The following SBF2 variants were observed in gnomAD, a reference collection of about 807,000 sequenced individuals.
The protein encoded by SBF2 is myotubularin-related protein 13.
In SBF2, 112 loss-of-function variants were observed where a neutral mutation model predicts 225.2. That is an observed-to-expected ratio of 0.50 (90% CI 0.43 to 0.58). SBF2 has a LOEUF of 0.58. Ranked by LOEUF, SBF2 falls within the 20% of genes least tolerant of loss-of-function variation. The pLI is 0.00. For missense variants in SBF2, 1,996 were observed against 2,206.2 expected, an observed-to-expected ratio of 0.90 and a Z score of 1.91; for synonymous variants, 763 against 773.3, an observed-to-expected ratio of 0.99 and a Z score of 0.22.
intron 2 of SBF2, among the ~76,000 whole-genome samples, chr11:10,135,120 C>A (rs148509106): frequency 3.3e-4 from 50 of 152,226 alleles, no homozygotes; most frequent in Non-Finnish European, 2.9e-5. Context: ...CTCAACACCG[C>A]GTTGAAGTTG....
intron 2 of SBF2, among the ~76,000 whole-genome samples, chr11:10,151,654 G>A (rs1387503478): frequency 6.6e-6 from 1 of 152,174 alleles, no homozygotes; most frequent in Non-Finnish European, 1.5e-5. Context: ...AGATTTAGAA[G>A]AAATGTGATG....
At position 10,279,105 on chromosome 11, in the gene SBF2, TTAAAAAAAAAAAA is replaced by T. The variant is rs1316635891; in HGVS notation, c.55+14897_55+14909del. The stretch of plus-strand genomic sequence containing the variant: ...CAACAGAACAAGACCCGGTCTTGTA[TTAAAAAAAAAAAA>T]AAAAAAAAAAAAGCCAGGCGTGGTG... On this transcript the variant is annotated intron_variant, in intron 1 of 39. Coordinates refer to ENST00000256190, the MANE Select transcript of SBF2 (RefSeq NM_030962.4). Among the ~76,000 whole-genome samples, 196 of 77,626 alleles carry T rather than the reference TTAAAAAAAAAAAA, an allele frequency of 2.5e-3. 1 individual carries two copies. Among genetic ancestry groups the T allele is most frequent in the African/African-American group, 8.6e-3 (188 of 21,796 alleles). The allele number at this position is 77,626 out of a possible 152,430, so 50.9% of individuals were successfully genotyped here. A position where few individuals can be genotyped will look rare whatever the true frequency, so the allele number is the denominator to read the frequency against.
chr11:10,294,880 C>A (rs1591383057), upstream of SBF2, among the ~76,000 whole-genome samples: 1 of 152,232 alleles, frequency 6.6e-6, no homozygotes, highest in Admixed American at 6.5e-5. Context: ...CCGCACGCCT[C>A]GGCTTGCTTC....
intron 32 of SBF2, among the ~76,000 whole-genome samples, chr11:9,800,129 T>C (rs1283218969): frequency 6.6e-6 from 1 of 151,974 alleles, no homozygotes; most frequent in East Asian, 1.9e-4. Context: ...TCTGAGCTAT[T>C]AGGGAGGCTG....
chr11:10,012,250 ATCC>A (rs1425090710), intron 6 of SBF2, among the ~76,000 whole-genome samples: 1 of 152,184 alleles, frequency 6.6e-6, no homozygotes, highest in East Asian at 1.9e-4. Flanking sequence ...GGCTCAAGCG[ATCC>A]TCCTACCTCA....
intron 16 of SBF2, among the ~76,000 whole-genome samples, chr11:9,956,354 T>C (rs576994510): frequency 3.9e-5 from 6 of 152,324 alleles, no homozygotes; most frequent in Admixed American, 2.6e-4. Flanking sequence ...TCATATCTTA[T>C]TAAAATTTCT....
intron 17 of SBF2, among the ~76,000 whole-genome samples, chr11:9,885,529 G>C (rs1263378249): frequency 6.6e-6 from 1 of 152,194 alleles, no homozygotes; most frequent in East Asian, 1.9e-4. Flanking sequence ...ATAAGACAGT[G>C]GGTAGAAACA....
chr11:9,958,485 A>T (rs1025136288), intron 16 of SBF2: 1 of 154,906 alleles, frequency 6.5e-6, no homozygotes, highest in African/African-American at 2.4e-5. Context: ...CAGCCTCCCG[A>T]GTAGCTGGGA....
chr11:10,104,917 G>C (rs1021194826), intron 2 of SBF2, among the ~76,000 whole-genome samples: 1 of 152,130 alleles, frequency 6.6e-6, no homozygotes, highest in Non-Finnish European at 1.5e-5. Flanking sequence ...TATTAAACAA[G>C]CCTTGCATTC....
chr11:9,797,823 A>C (rs1325522694), intron 32 of SBF2, among the ~76,000 whole-genome samples: 1 of 152,156 alleles, frequency 6.6e-6, no homozygotes, highest in Non-Finnish European at 1.5e-5. Context: ...AAAACAAACA[A>C]TTAGCCAGGT....
chr11:10,166,372 C>T (rs1206528817), intron 2 of SBF2, among the ~76,000 whole-genome samples: 1 of 152,028 alleles, frequency 6.6e-6, no homozygotes, highest in African/African-American at 2.4e-5. Flanking sequence ...CTACTAGAAA[C>T]ATGTCTATCA....
chr11:9,826,430 A>G (rs1451570482), intron 28 of SBF2, among the ~76,000 whole-genome samples: 3 of 152,212 alleles, frequency 2.0e-5, no homozygotes, highest in Non-Finnish European at 4.4e-5. Flanking sequence ...CAAGATGTGT[A>G]TGGTTTTCAA....
intron 16 of SBF2, 50 bp downstream of exon 16, chr11:9,961,907 T>C: frequency 2.5e-6 from 4 of 1,571,082 alleles, no homozygotes; most frequent in Non-Finnish European, 3.5e-6. Flanking sequence ...TCTGGAAAAA[T>C]GAAAAGTATT....
At chr11:9,828,602 A>G (rs1855202452) in intron 28 of SBF2, 1 of 985,348 alleles carries the variant, frequency 1.0e-6, no homozygotes, top group African/African-American at 1.7e-5. Flanking sequence ...TTACCTCTAC[A>G]TGAACCCTTT....
intron 6 of SBF2, among the ~76,000 whole-genome samples, chr11:10,026,675 G>T (rs1329769499): frequency 6.6e-6 from 1 of 152,080 alleles, no homozygotes; most frequent in African/African-American, 2.4e-5. Context: ...GGTGTTGGGG[G>T]CTGTAGTAAG....
intron 27 of SBF2, 53 bp from the exon 28 acceptor site, chr11:9,829,549 CAAGT>C: frequency 7.0e-7 from 1 of 1,435,564 alleles, no homozygotes; most frequent in South Asian, 1.2e-5. Context: ...GTTAACAAAA[CAAGT>C]ATCTATCTAT....
At chr11:9,853,149 C>A (rs968121922) in intron 20 of SBF2, among the ~76,000 whole-genome samples, 2 of 152,076 alleles carry the variant, frequency 1.3e-5, no homozygotes, top group African/African-American at 4.8e-5. Flanking sequence ...ATAAACCAAA[C>A]CCAAAAGTAC....
intron 1 of SBF2, among the ~76,000 whole-genome samples, chr11:10,276,792 T>G (rs1962988183): frequency 6.6e-6 from 1 of 151,972 alleles, no homozygotes. Flanking sequence ...GTAAAACAAG[T>G]GTATAGAGAA....
At chr11:9,984,257 T>C (rs1450489679) in intron 13 of SBF2, among the ~76,000 whole-genome samples, 2 of 152,176 alleles carry the variant, frequency 1.3e-5, no homozygotes, top group African/African-American at 2.4e-5. Context: ...CAAGAAACTT[T>C]GGACACACTT....
Sources: gnomAD v4.1 joint callset for allele counts (sites outside exome capture counted in the v4.1 genomes callset) on GRCh38, gnomAD v4.1.1 for gene constraint, MANE v1.5 for transcripts, NCBI Gene and HGNC (gene_info 2026-07-23, HGNC 2026-07-21) for gene names.